The following RNF14 variants were observed in gnomAD, a reference collection of about 807,000 sequenced individuals.
RNF14 encodes the protein ring finger protein 14.
In RNF14, 26 loss-of-function variants were observed where a neutral mutation model predicts 52.6. The ratio of observed to expected loss-of-function variants is 0.49; its 90% CI spans 0.36 to 0.69. The LOEUF (loss-of-function observed/expected upper bound fraction) is 0.69, where lower values mean the gene tolerates loss of function less well. Ranked by LOEUF, RNF14 falls within the 30% of genes least tolerant of loss-of-function variation. The pLI, the probability that RNF14 is intolerant of heterozygous loss-of-function variation, is 0.00. For missense variants in RNF14, 404 were observed against 560.4 expected (o/e 0.72, Z 2.82); for synonymous variants, 194 against 202.0 (o/e 0.96, Z 0.34).
chr5:141,973,535 G>A, intron 2 of RNF14, 48 bp from the exon 3 acceptor site: 1 of 1,538,876 alleles, frequency 6.5e-7, no homozygotes, highest in Non-Finnish European at 8.8e-7. Flanking sequence ...ACCACACCCG[G>A]CCAGCCTCTG....
At chr5:141,985,999 T>G (rs1265528629) in intron 8 of RNF14, among the ~76,000 whole-genome samples, 1 of 152,210 alleles carries the variant, frequency 6.6e-6, no homozygotes, top group Non-Finnish European at 1.5e-5. Context: ...TTGATTCGAT[T>G]TAGAATAACA....
intron 5 of RNF14, among the ~76,000 whole-genome samples, chr5:141,979,228 TGGTGG>T (rs1561552641): frequency 6.2e-4 from 44 of 71,468 alleles, no homozygotes; most frequent in Non-Finnish European, 9.3e-4. Flanking sequence ...ACTTAGGTGG[TGGTGG>T]TGTTGTTGTT....
chr5:141,955,732 C>A (rs767990575), upstream of RNF14: 2 of 1,614,050 alleles, frequency 1.2e-6, no homozygotes, highest in South Asian at 2.2e-5. This position sits in a 1 kb window ranked among gnomAD's most constrained non-coding sequence, Gnocchi z 5.5. Flanking sequence ...CCCAGGCTTG[C>A]GGGCTGAGTC....
upstream of RNF14, among the ~76,000 whole-genome samples, chr5:141,968,125 T>C (rs1254321829): frequency 4.0e-5 from 6 of 151,484 alleles, no homozygotes; most frequent in Admixed American, 3.9e-4. Flanking sequence ...TGACTTTTTT[T>C]TTTTTTTTTT....
intron 4 of RNF14, among the ~76,000 whole-genome samples, chr5:141,975,643 T>C (rs1340020180): frequency 3.9e-5 from 6 of 152,192 alleles, no homozygotes; most frequent in African/African-American, 9.7e-5. Flanking sequence ...ATATAAAGCA[T>C]TCTGGGAGAG....
chr5:141,979,918 A>C (rs1561553323), intron 5 of RNF14, among the ~76,000 whole-genome samples: 1 of 152,164 alleles, frequency 6.6e-6, no homozygotes, highest in Non-Finnish European at 1.5e-5. Context: ...ATATAAAATA[A>C]ATTGGACACT....
At chr5:141,977,729 C>T (rs554525330) in intron 4 of RNF14, among the ~76,000 whole-genome samples, 4 of 152,182 alleles carry the variant, frequency 2.6e-5, no homozygotes, top group Non-Finnish European at 5.9e-5. Context: ...TACTTAAAAG[C>T]AGCTTGTAAA....
intron 7 of RNF14, among the ~76,000 whole-genome samples, 175 bp from the exon 8 acceptor site, chr5:141,984,628 C>A (rs1389568319): frequency 3.3e-5 from 5 of 152,164 alleles, no homozygotes; most frequent in Non-Finnish European, 7.3e-5. Context: ...CTGTATTTTA[C>A]TTCTAATGCA....
intron 4 of RNF14, among the ~76,000 whole-genome samples, chr5:141,976,125 TA>T (rs997254534): frequency 9.9e-5 from 15 of 152,164 alleles, no homozygotes; most frequent in African/African-American, 3.6e-4. Context: ...ACAGGTAGAA[TA>T]AAAAGGAGTA....
intron 1 of RNF14, among the ~76,000 whole-genome samples, chr5:141,961,479 A>G (rs1753275130): frequency 6.6e-6 from 1 of 152,130 alleles, no homozygotes; most frequent in Non-Finnish European, 1.5e-5. Context: ...GATCTTTAGC[A>G]GTCAAATGCC....
chr5:141,963,080 T>A (rs1753287813), upstream of RNF14: 1 of 152,268 alleles, frequency 6.6e-6, no homozygotes, highest in South Asian at 2.1e-4. Context: ...ATTATAGAGT[T>A]CCATACTCAC....
Position 141,970,781 on chromosome 5 carries a change from A to G in RNF14, c.-103A>G, listed in dbSNP as rs1369694325. On this transcript the variant is annotated 5_prime_UTR_variant, in exon 2 of 9. Transcript: ENST00000394520. The stretch of plus-strand genomic sequence containing the variant: ...ACCCAGCTTCAGCAGTCTCAGCTCC[A>G]CCAGTTAGAGAATAAATGGGATTTG... 2.6e-5 allele frequency: 4 copies of G among 152,318 alleles called. No homozygotes were observed. The highest frequency in any genetic ancestry group is 9.7e-5 in the African/African-American group (4 of 41,432). The allele number at this position is 152,318 out of a possible 1,614,324, so 9.4% of individuals were successfully genotyped here. A position where few individuals can be genotyped will look rare whatever the true frequency, so the allele number is the denominator to read the frequency against.
chr5:141,955,225 C>T (rs767567681), upstream of RNF14: 68 of 1,614,108 alleles, frequency 4.2e-5, no homozygotes, highest in Non-Finnish European at 5.6e-5. This position sits in a 1 kb window ranked among gnomAD's most constrained non-coding sequence, Gnocchi z 5.5. Context: ...AGGCCTGGAA[C>T]GTGGCTGGCC....
chr5:141,964,522 C>T (rs1753300788), upstream of RNF14, among the ~76,000 whole-genome samples: 1 of 152,174 alleles, frequency 6.6e-6, no homozygotes, highest in African/African-American at 2.4e-5. Context: ...AGAGTGGGGC[C>T]TGGGATATAA....
chr5:141,963,608 T>G (rs370798703), upstream of RNF14, among the ~76,000 whole-genome samples: 1 of 152,230 alleles, frequency 6.6e-6, no homozygotes, highest in Non-Finnish European at 1.5e-5. Flanking sequence ...TACACTCATT[T>G]ATTAAATCAT....
chr5:141,955,876 T>C (rs1179506946), upstream of RNF14: 8 of 1,614,146 alleles, frequency 5.0e-6, 1 homozygote, highest in Middle Eastern at 4.9e-4. This position sits in a 1 kb window ranked among gnomAD's most constrained non-coding sequence, Gnocchi z 5.5. Flanking sequence ...ATTGGTGACA[T>C]TGACGAACAG....
chr5:141,957,142 G>A (rs1165640830), upstream of RNF14: 6 of 1,614,158 alleles, frequency 3.7e-6, no homozygotes, highest in South Asian at 5.5e-5. This position sits in a 1 kb window ranked among gnomAD's most constrained non-coding sequence, Gnocchi z 4.3. Context: ...ATTGTCATTG[G>A]AGTCCAAGAC....
intron 4 of RNF14, among the ~76,000 whole-genome samples, chr5:141,978,097 C>G (rs937787322): frequency 1.3e-5 from 2 of 152,198 alleles, no homozygotes; most frequent in Non-Finnish European, 2.9e-5. Flanking sequence ...ATGTTCTACT[C>G]TGGCTCATGT....
upstream of RNF14, chr5:141,955,266 G>T: frequency 6.2e-7 from 1 of 1,614,230 alleles, no homozygotes. The surrounding 1 kb of genome is among the most constrained non-coding windows in gnomAD (Gnocchi z 5.5). Flanking sequence ...GAAGGTTCAG[G>T]TTCTCCCGGG....
Sources: gnomAD v4.1 joint callset for allele counts (sites outside exome capture counted in the v4.1 genomes callset) on GRCh38, gnomAD v4.1.1 for gene constraint, Gnocchi (gnomAD v3.1) non-coding constraint, MANE v1.5 for transcripts, NCBI Gene and HGNC (gene_info 2026-07-23, HGNC 2026-07-21) for gene names.